The following MATN3 variants were observed in gnomAD, a reference collection of about 807,000 sequenced individuals.
MATN3 encodes the protein matrilin 3.
A neutral mutation model predicts 45.3 loss-of-function variants in MATN3; 48 were observed. That is an observed-to-expected ratio of 1.06 (90% CI 0.84 to 1.35). The LOEUF is 1.35. MATN3 is among the 40% of genes most tolerant of loss of function. MATN3 has a pLI of 0.00. For synonymous variants in MATN3, 217 were observed against 245.9 expected (o/e 0.88, Z 1.10); for missense variants, 599 against 628.0 (o/e 0.95, Z 0.49).
At chr2:20,007,289 G>C (rs1201345741) in intron 1 of MATN3, among the ~76,000 whole-genome samples, 1 of 152,156 alleles carries the variant, frequency 6.6e-6, no homozygotes, top group East Asian at 1.9e-4. Flanking sequence ...AACACTGTGG[G>C]AGGCCGAGGC....
In MATN3 at chr2:20,003,319, A is replaced by T. The variant is rs533102498; in HGVS notation, c.791-33T>A. ...AGGAAGTTTACAACAGTCAGCACTG[A>T]CACTTAGGAAACATCTCAGATACCG... is the stretch of plus-strand genomic sequence containing the variant. On this transcript the variant is annotated intron_variant, in intron 2 of 7. Transcript: ENST00000407540. 5.1e-6 allele frequency: 8 copies of T among 1,561,982 alleles called. No individual in the cohort carries two copies. The South Asian group carries it at 9.5e-5, about 18-fold the overall frequency.
chr2:20,001,572 C>T (rs1672983892), intron 4 of MATN3, among the ~76,000 whole-genome samples: 1 of 152,186 alleles, frequency 6.6e-6, no homozygotes, highest in South Asian at 2.1e-4. Context: ...TGTGTCATCA[C>T]TGATGATGTT....
intron 5 of MATN3, among the ~76,000 whole-genome samples, chr2:19,998,775 A>AAAT (rs1553326851): frequency 0.016 from 2,406 of 151,008 alleles, 66 homozygotes; most frequent in African/African-American, 0.055. Context: ...AAGAAAAAAA[A>AAAT]ATATATATAT....
intron 1 of MATN3, among the ~76,000 whole-genome samples, chr2:20,007,199 C>T (rs1402634161): frequency 7.3e-4 from 104 of 143,250 alleles, no homozygotes; most frequent in Admixed American, 7.2e-3. Flanking sequence ...CAGAGCGAGA[C>T]TCCGTCTCAA....
chr2:20,004,291 G>A (rs1673052028), intron 2 of MATN3: 1 of 152,216 alleles, frequency 6.6e-6, no homozygotes, highest in Non-Finnish European at 1.5e-5. Context: ...GGAAAAGATT[G>A]CCACTCACCA....
chr2:20,006,060 T>C lies in MATN3; in HGVS notation c.474A>G (p.Thr158=). 3 of 1,614,006 alleles carry C rather than the reference T, an allele frequency of 1.9e-6. No individual in the cohort carries two copies. Residue 158 remains threonine (T), a synonymous_variant, in exon 2 of 8, where the codon ACA becomes ACG. Coordinates refer to ENST00000407540, the MANE Select transcript of MATN3 (RefSeq NM_002381.5). ...GGATGGCTAGGCCTGACATGGTGCC[T>C]GTTGACAAGGGTGTGATTCGACCCA... The part of the protein sequence containing the change: ...QAVGRITPLS[T]GTMSGLAIQT...
At position 20,006,194 on chromosome 2, in the gene MATN3, C is replaced by T. The variant is rs1264100894; in HGVS notation, c.340G>A (p.Asp114Asn). The T allele has an allele frequency of 1.9e-6, 3 of 1,613,778 alleles. No individual in the cohort carries two copies. Among genetic ancestry groups the T allele is most frequent in the Non-Finnish European group, 2.5e-6 (3 of 1,179,874 alleles). Residue 114 changes from aspartate to asparagine, a missense_variant, in exon 2 of 8, where the codon GAC (aspartate) becomes AAC (asparagine). Asp to Asn is a conservative substitution (Grantham distance 23). Transcript: ENST00000407540. ...ACCCGCGTGTCGGCTGGCCCAATGT[C>T]CAGAGTGTCGATTATCCGGGAGACA... ...TFVSRIIDTL[D>N]IGPADTRVAV...
chr2:20,008,478 T>C (rs1304918974), intron 1 of MATN3, among the ~76,000 whole-genome samples: 1 of 152,226 alleles, frequency 6.6e-6, no homozygotes, highest in East Asian at 1.9e-4. Flanking sequence ...AGAAAAAAAT[T>C]AAAGCCTTAC....
At position 20,005,932 on chromosome 2, in the gene MATN3, T is replaced by C. The variant is rs1472687732; in HGVS notation, c.602A>G (p.Asp201Gly). 3.7e-6 allele frequency: 6 copies of C among 1,613,612 alleles called. No individual in the cohort carries two copies. In the African/African-American group the frequency reaches 6.7e-5, roughly 18 times the overall value. Reference sequence around the variant, plus strand: ...CCGAGCCGCCACCTCATTCACCTGGTCCTGGGGCCTCCCATCTGTAACAAT... The same window carrying C: ...CCGAGCCGCCACCTCATTCACCTGGCCCTGGGGCCTCCCATCTGTAACAAT... The part of the protein sequence containing the change: ...AIIVTDGRPQ[D>G]QVNEVAARAQ... The change falls in exon 2 of 8, where the codon GAC becomes GGC. Residue 201 changes from aspartate (D) to glycine (G), a missense_variant. Asp to Gly is a moderately conservative substitution (Grantham distance 94, BLOSUM62 -1). Coordinates refer to ENST00000407540, the MANE Select transcript of MATN3 (RefSeq NM_002381.5).
intron 2 of MATN3, among the ~76,000 whole-genome samples, chr2:20,003,749 C>G (rs550874272): frequency 2.9e-4 from 44 of 152,200 alleles, no homozygotes; most frequent in Non-Finnish European, 5.6e-4. Context: ...AGAATTCTCA[C>G]ACAAGTCTGG....
In MATN3 at chr2:19,995,817, CA is replaced by C. The variant is rs1416623703; in HGVS notation, c.1294+1316del. On this transcript the variant is annotated intron_variant, in intron 6 of 7. Transcript: ENST00000407540. The surrounding 1 kb of genome is among the most constrained non-coding windows in gnomAD (Gnocchi z 4.2). The stretch of plus-strand genomic sequence containing the variant: ...TTTGCTGCAACATTTTTACTCTTAA[CA>C]TTTTACAAAGATCCAATATAGGGAT... Among the ~76,000 whole-genome samples, 3 of 152,150 alleles carry C rather than the reference CA, an allele frequency of 2.0e-5. No individual in the cohort carries two copies.
In MATN3 at chr2:19,995,011, G is replaced by A. The variant is rs1210412655; in HGVS notation, c.1295-602C>T. On this transcript the variant is annotated intron_variant, in intron 6 of 7. Transcript: ENST00000407540. The surrounding 1 kb of genome is among the most constrained non-coding windows in gnomAD (Gnocchi z 4.2). ...AGGCTGAGGCAGGAGGATCACTTGA[G>A]CCCAGGAGTTCAAGGCTGCAGTGAG... Among the ~76,000 whole-genome samples the A allele has an allele frequency of 6.6e-6, 1 of 151,472 alleles. No individual in the cohort carries two copies. Among genetic ancestry groups the A allele is most frequent in the Non-Finnish European group, 1.5e-5 (1 of 67,858 alleles).
At chr2:20,011,533 C>T (rs1305107369) in intron 1 of MATN3, among the ~76,000 whole-genome samples, 1 of 152,216 alleles carries the variant, frequency 6.6e-6, no homozygotes, top group Non-Finnish European at 1.5e-5. Context: ...AGGCATGCAG[C>T]GTGGCTGGCC....
rs1293300720 is a variant in MATN3, at chr2:19,995,464, CA to C, written c.1295-1056del. Among the ~76,000 whole-genome samples, 1 of 149,856 alleles carries C rather than the reference CA, an allele frequency of 6.7e-6. No homozygotes were observed. The highest frequency in any genetic ancestry group is 2.1e-4 in the South Asian group (1 of 4,764). On this transcript the variant is annotated intron_variant, in intron 6 of 7. Transcript: ENST00000407540. This position sits in a 1 kb window ranked among gnomAD's most constrained non-coding sequence, Gnocchi z 4.2. ...TGAAATGTCGTCTCAAAAAACAAAA[CA>C]AAAAAAAAGGATAAAAACCAGGTTA...
At chr2:20,000,023 C>T (rs1345744313) in intron 5 of MATN3, among the ~76,000 whole-genome samples, 1 of 152,164 alleles carries the variant, frequency 6.6e-6, no homozygotes. Flanking sequence ...CTAAAATCAT[C>T]CAGCTTTAAG....
At chr2:20,003,608 GA>G (rs34632888) in intron 2 of MATN3, among the ~76,000 whole-genome samples, 2,445 of 152,246 alleles carry the variant, frequency 0.016, 33 homozygotes, top group Non-Finnish European at 0.025. Context: ...GCCTCCCCAT[GA>G]AAAAAAGATT....
chr2:20,002,519 T>C (rs1465491996), intron 3 of MATN3, among the ~76,000 whole-genome samples: 1 of 152,196 alleles, frequency 6.6e-6, no homozygotes, highest in Non-Finnish European at 1.5e-5. Flanking sequence ...AGAGGGTAGC[T>C]TGCATGTAAT....
chr2:19,994,493 T>C, intron 6 of MATN3, 84 bp from the exon 7 acceptor site: 1 of 805,748 alleles, frequency 1.2e-6, no homozygotes, highest in East Asian at 2.8e-5. Context: ...CACAGTTGAA[T>C]ATTTCCACCG....
chr2:20,006,402 G>T, intron 1 of MATN3, 92 bp from the exon 2 acceptor site: 1 of 997,710 alleles, frequency 1.0e-6, no homozygotes, highest in Non-Finnish European at 1.4e-6. Flanking sequence ...GCCAGGCAAG[G>T]CAGCATCTCC....
Sources: allele counts gnomAD v4.1 joint callset (sites outside exome capture counted in the v4.1 genomes callset), GRCh38; gene constraint gnomAD v4.1.1; non-coding constraint Gnocchi (gnomAD v3.1); transcripts MANE v1.5; gene names NCBI Gene and HGNC (gene_info 2026-07-23, HGNC 2026-07-21).